Variants in TTLL5 observed in about 807,000 individuals in gnomAD.
The protein encoded by TTLL5 is tubulin polyglutamylase TTLL5.
In TTLL5, 132 loss-of-function variants were observed where a neutral mutation model predicts 168.4. That is an observed-to-expected ratio of 0.78 (90% CI 0.68 to 0.91). TTLL5 has a LOEUF of 0.91. TTLL5 is among the 40% of genes least tolerant of loss of function. TTLL5 has a pLI of 0.00. For synonymous variants in TTLL5, 546 were observed against 558.6 expected (o/e 0.98, Z 0.32); for missense variants, 1,545 against 1,581.5 (o/e 0.98, Z 0.39).
intron 14 of TTLL5, 152 bp downstream of exon 14, chr14:75,734,202 G>A: frequency 1.4e-6 from 1 of 726,892 alleles, no homozygotes; most frequent in Non-Finnish European, 2.3e-6. Context: ...ATGTTTATAT[G>A]TTTCTACGAC....
chr14:75,830,588 A>T (rs1895505444), intron 28 of TTLL5, among the ~76,000 whole-genome samples: 1 of 152,230 alleles, frequency 6.6e-6, no homozygotes, highest in South Asian at 2.1e-4. Flanking sequence ...ATAATTAATG[A>T]AACATGAAAG....
At chr14:75,834,322 A>G (rs1043389155) in intron 28 of TTLL5, among the ~76,000 whole-genome samples, 1 of 152,230 alleles carries the variant, frequency 6.6e-6, no homozygotes, top group Admixed American at 6.5e-5. Context: ...GGTTGAGGAT[A>G]AAGTGGGAAA....
At position 75,686,139 on chromosome 14, in the gene TTLL5, G is replaced by A. The variant is rs60374943; in HGVS notation, c.371+2483G>A. 8.7e-3 allele frequency among the ~76,000 whole-genome samples: 1,323 copies of A among 152,280 alleles called. 19 individuals are homozygous for A. Among genetic ancestry groups the A allele is most frequent in the African/African-American group, 0.03 (1,255 of 41,560 alleles). ...TTGAACTGTGGAACAGGTTGAGTAA[G>A]TTTTTAATGATTACCACAAAGGTTC... On this transcript the variant is annotated intron_variant, in intron 5 of 31. Coordinates refer to ENST00000298832, the MANE Select transcript of TTLL5 (RefSeq NM_015072.5).
At chr14:75,755,858 C>A (rs1043724811) in intron 18 of TTLL5, among the ~76,000 whole-genome samples, 2 of 152,052 alleles carry the variant, frequency 1.3e-5, no homozygotes, top group Non-Finnish European at 2.9e-5. Flanking sequence ...TTAATTTTGA[C>A]TACCTTCCTT....
chr14:75,922,120 AAGG>A (rs1396923703), intron 31 of TTLL5, among the ~76,000 whole-genome samples: 4 of 152,148 alleles, frequency 2.6e-5, no homozygotes, highest in Admixed American at 6.6e-5. Flanking sequence ...TTATCAGCTT[AAGG>A]AGATTTTGGG....
chr14:75,847,748 A>C (rs993887628), intron 28 of TTLL5: 2 of 151,740 alleles, frequency 1.3e-5, no homozygotes, highest in Admixed American at 1.3e-4. Flanking sequence ...GCTCTTAACC[A>C]CTCTGCCAGT....
intron 17 of TTLL5, among the ~76,000 whole-genome samples, chr14:75,746,357 T>C (rs1392091435): frequency 6.6e-6 from 1 of 152,140 alleles, no homozygotes; most frequent in African/African-American, 2.4e-5. Context: ...TCAGTTATGG[T>C]CTCTTTTGAA....
intron 17 of TTLL5, among the ~76,000 whole-genome samples, chr14:75,748,843 T>A (rs1889775396): frequency 6.6e-6 from 1 of 152,198 alleles, no homozygotes; most frequent in Admixed American, 6.5e-5. Context: ...TGCATTTCTG[T>A]GATTTCTAGT....
At chr14:75,827,707 C>CTTTTTTTTTTTT (rs561078439) in intron 28 of TTLL5, among the ~76,000 whole-genome samples, 13 of 53,202 alleles carry the variant, frequency 2.4e-4, no homozygotes, top group East Asian at 7.7e-4. Flanking sequence ...TGGCTTGGTT[C>CTTTTTTTTTTTT]TTTTTTTTTT....
At chr14:75,904,202 CAAAAA>C (rs562877528) in intron 31 of TTLL5, 57 of 987,076 alleles carry the variant, frequency 5.8e-5, no homozygotes, top group Middle Eastern at 2.9e-4. Context: ...CTCACTCCTC[CAAAAA>C]AAAAAAAAAG....
At chr14:75,930,165 A>G (rs1378355804) in intron 31 of TTLL5, among the ~76,000 whole-genome samples, 1 of 152,176 alleles carries the variant, frequency 6.6e-6, no homozygotes, top group Non-Finnish European at 1.5e-5. Flanking sequence ...TGAATAACTA[A>G]TTATGCTCAG....
chr14:75,952,540 CAT>C (rs1429356347), intron 31 of TTLL5, among the ~76,000 whole-genome samples: 1 of 152,122 alleles, frequency 6.6e-6, no homozygotes, highest in Admixed American at 6.5e-5. Flanking sequence ...GAAATGAAAA[CAT>C]AGTTCAAATA....
chr14:75,691,759 T>C (rs191537859), intron 6 of TTLL5, among the ~76,000 whole-genome samples: 3 of 152,242 alleles, frequency 2.0e-5, no homozygotes, highest in African/African-American at 4.8e-5. Flanking sequence ...TTCTGTTTTA[T>C]GGATAGACGA....
chr14:75,906,351 G>A (rs2033147461), intron 31 of TTLL5, among the ~76,000 whole-genome samples: 1 of 152,158 alleles, frequency 6.6e-6, no homozygotes, highest in African/African-American at 2.4e-5. Flanking sequence ...TCCAGAGCCA[G>A]AGGGGTAAGA....
intron 19 of TTLL5, among the ~76,000 whole-genome samples, chr14:75,765,262 T>C (rs1890895877): frequency 6.6e-6 from 1 of 152,170 alleles, no homozygotes; most frequent in South Asian, 2.1e-4. Flanking sequence ...TGAACGTCTG[T>C]GTCAGGCAGT....
Position 75,923,141 on chromosome 14 carries a change from ATCT to A in TTLL5, c.3823+20921_3823+20923del, listed in dbSNP as rs771596691. Among the ~76,000 whole-genome samples, 19 of 152,078 alleles carry A rather than the reference ATCT, an allele frequency of 1.2e-4. No homozygotes were observed. The South Asian group carries it at 3.3e-3, about 27-fold the overall frequency. The stretch of plus-strand genomic sequence containing the variant: ...TGCTAGCAGTCTGTCAATTTTGTTG[ATCT>A]TCTCAAAAAACCAGCTCCTGGATTC... On this transcript the variant is annotated intron_variant, in intron 31 of 31. Coordinates refer to ENST00000298832, the MANE Select transcript of TTLL5 (RefSeq NM_015072.5).
intron 27 of TTLL5, among the ~76,000 whole-genome samples, chr14:75,810,548 T>C (rs897762774): frequency 1.3e-5 from 2 of 152,082 alleles, no homozygotes; most frequent in Non-Finnish European, 2.9e-5. Flanking sequence ...AATTATATTT[T>C]GTAGAGATGG....
At chr14:75,825,803 T>G (rs1895091465) in intron 28 of TTLL5, among the ~76,000 whole-genome samples, 1 of 152,168 alleles carries the variant, frequency 6.6e-6, no homozygotes, top group Non-Finnish European at 1.5e-5. Context: ...TTCCTTCCCC[T>G]GAGGAAAACG....
intron 31 of TTLL5, among the ~76,000 whole-genome samples, chr14:75,949,685 C>T (rs1445414090): frequency 6.6e-6 from 1 of 151,494 alleles, no homozygotes; most frequent in Non-Finnish European, 1.5e-5. Flanking sequence ...CCCGTCTCTA[C>T]TAAAAATGCA....
Sources: allele counts gnomAD v4.1 joint callset (sites outside exome capture counted in the v4.1 genomes callset), GRCh38; gene constraint gnomAD v4.1.1; transcripts MANE v1.5; gene names NCBI Gene and HGNC (gene_info 2026-07-23, HGNC 2026-07-21).